The following CACNA2D3 variants were observed in gnomAD, a reference collection of about 807,000 sequenced individuals.
CACNA2D3 encodes the protein voltage-dependent calcium channel subunit alpha-2/delta-3.
CACNA2D3 carries 60 observed loss-of-function variants against 160.6 expected under a neutral mutation model. The ratio of observed to expected loss-of-function variants is 0.37; its 90% CI spans 0.30 to 0.46. The LOEUF is 0.46. Ranked by LOEUF, CACNA2D3 falls within the 20% of genes least tolerant of loss-of-function variation. The pLI is 1.00. For missense variants in CACNA2D3, 1,205 were observed against 1,365.0 expected (o/e 0.88, Z 1.85); for synonymous variants, 558 against 492.9 (o/e 1.13, Z -1.75).
chr3:54,918,166 G>A, intron 27 of CACNA2D3: 1 of 291,682 alleles, frequency 3.4e-6, no homozygotes, highest in Non-Finnish European at 6.4e-6. Context: ...TGGAAGAGAT[G>A]GCATCTTCCC....
At chr3:54,726,590 A>G (rs1369105966) in intron 11 of CACNA2D3, among the ~76,000 whole-genome samples, 1 of 152,216 alleles carries the variant, frequency 6.6e-6, no homozygotes, top group African/African-American at 2.4e-5. Context: ...AGCAGAACAG[A>G]GGCCTCGGAA....
intron 4 of CACNA2D3, among the ~76,000 whole-genome samples, chr3:54,432,814 A>G (rs1160889836): frequency 6.6e-6 from 1 of 152,258 alleles, no homozygotes; most frequent in African/African-American, 2.4e-5. Flanking sequence ...AAAGGTTGGC[A>G]CTTTGGTCAG....
intron 2 of CACNA2D3, among the ~76,000 whole-genome samples, chr3:54,191,692 G>A (rs1467295618): frequency 3.9e-5 from 6 of 152,114 alleles, no homozygotes; most frequent in African/African-American, 1.4e-4. Context: ...GTGTTAGGCA[G>A]GGCTGGGTTT....
intron 5 of CACNA2D3, among the ~76,000 whole-genome samples, chr3:54,541,729 G>A (rs1357719198): frequency 6.6e-6 from 1 of 152,212 alleles, no homozygotes; most frequent in Admixed American, 6.5e-5. Context: ...GAAGGATGAA[G>A]AAAGACTGAG....
At chr3:54,783,599 C>G (rs1319454811) in intron 13 of CACNA2D3, among the ~76,000 whole-genome samples, 1 of 151,616 alleles carries the variant, frequency 6.6e-6, no homozygotes, top group South Asian at 2.1e-4. Flanking sequence ...GAGTAAGACT[C>G]CATCTCAAAT....
chr3:55,013,986 G>A (rs919010102), intron 34 of CACNA2D3, among the ~76,000 whole-genome samples: 3 of 152,114 alleles, frequency 2.0e-5, no homozygotes, highest in Non-Finnish European at 2.9e-5. Flanking sequence ...TGGTGACATC[G>A]GTGTAACTGG....
chr3:54,654,189 G>T (rs565356395), intron 11 of CACNA2D3, among the ~76,000 whole-genome samples: 1 of 152,204 alleles, frequency 6.6e-6, no homozygotes, highest in African/African-American at 2.4e-5. Context: ...GTTGGCAGTG[G>T]GGGGTCTTGC....
intron 27 of CACNA2D3, among the ~76,000 whole-genome samples, chr3:54,932,223 A>G (rs1701208032): frequency 6.6e-6 from 1 of 152,162 alleles, no homozygotes; most frequent in African/African-American, 2.4e-5. Context: ...AGAACTAAAT[A>G]TACCCATCTG....
At chr3:54,840,403 CTTTTTTTTTTTTT>C (rs1174129020) in intron 16 of CACNA2D3, among the ~76,000 whole-genome samples, 3 of 73,448 alleles carry the variant, frequency 4.1e-5, no homozygotes, top group Non-Finnish European at 7.1e-5. Context: ...AGAACCATGT[CTTTTTTTTTTTTT>C]TTTTTTTTTT....
chr3:54,833,026 G>A (rs763522988), intron 14 of CACNA2D3, among the ~76,000 whole-genome samples: 3 of 152,182 alleles, frequency 2.0e-5, no homozygotes, highest in Admixed American at 6.5e-5. Context: ...GCATGGCCAC[G>A]TGGACCTTGC....
intron 4 of CACNA2D3, among the ~76,000 whole-genome samples, chr3:54,491,160 C>T (rs757640375): frequency 4.6e-5 from 7 of 152,236 alleles, no homozygotes; most frequent in Non-Finnish European, 7.4e-5. Flanking sequence ...TAGATCTTTC[C>T]GCCAGGCTGG....
In CACNA2D3 at chr3:54,906,619, G is replaced by C. The variant is rs542683576; in HGVS notation, c.2449+6751G>C. The stretch of plus-strand genomic sequence containing the variant: ...ACCTGAATGAGTCTCTTGGGTTTTG[G>C]GGGTAGTTACCAGGTTCTACAACCA... On this transcript the variant is annotated intron_variant, in intron 27 of 37. Coordinates refer to ENST00000474759, the MANE Select transcript of CACNA2D3 (RefSeq NM_018398.3). Among the ~76,000 whole-genome samples the C allele has an allele frequency of 7.2e-5, 11 of 152,286 alleles. No individual in the cohort carries two copies. The South Asian group carries it at 1.5e-3, about 20-fold the overall frequency.
At chr3:54,467,448 T>G (rs1470291623) in intron 4 of CACNA2D3, among the ~76,000 whole-genome samples, 1 of 152,220 alleles carries the variant, frequency 6.6e-6, no homozygotes, top group Non-Finnish European at 1.5e-5. Context: ...TCAGCAATGA[T>G]GGGTCTCAAG....
rs1559611440 is a variant in CACNA2D3, at chr3:54,871,225, C to CA, written c.1627-314_1627-313insA. ...CACACACACACACACACACACACAC[C>CA]CCCCATTCAAGGAGGGGACAGATTT... On this transcript the variant is annotated intron_variant, in intron 17 of 37. Transcript: ENST00000474759. Among the ~76,000 whole-genome samples the CA allele has an allele frequency of 5.8e-3, 758 of 131,784 alleles. 14 individuals are homozygous for CA. Among genetic ancestry groups the CA allele is most frequent in the African/African-American group, 0.02 (623 of 31,506 alleles). 86.5% of individuals were successfully genotyped at this position (131,784 alleles called of 152,430 possible). A position where few individuals can be genotyped will look rare whatever the true frequency, so the allele number is the denominator to read the frequency against.
intron 2 of CACNA2D3, among the ~76,000 whole-genome samples, chr3:54,289,264 C>T (rs1308683016): frequency 1.3e-5 from 2 of 151,660 alleles, no homozygotes; most frequent in African/African-American, 2.4e-5. Flanking sequence ...ACACCAATAA[C>T]AGACAAACAG....
chr3:54,580,759 G>A lies in CACNA2D3; in HGVS notation c.889-1044G>A, dbSNP rs113082000. On this transcript the variant is annotated intron_variant, in intron 8 of 37. Coordinates refer to ENST00000474759, the MANE Select transcript of CACNA2D3 (RefSeq NM_018398.3). ...AATTAGAATTTACAGGGATTATATG[G>A]AAGAGGGACCTAACCCAGTGCCTAG... Among the ~76,000 whole-genome samples, 31 of 152,330 alleles carry A rather than the reference G, an allele frequency of 2.0e-4. 1 individual carries two copies. Among genetic ancestry groups the A allele is most frequent in the African/African-American group, 7.5e-4 (31 of 41,570 alleles).
chr3:54,358,265 C>A (rs1698683080), intron 3 of CACNA2D3, among the ~76,000 whole-genome samples: 1 of 152,122 alleles, frequency 6.6e-6, no homozygotes, highest in African/African-American at 2.4e-5. Flanking sequence ...TAGAAACAGC[C>A]TGTTTTGTTT....
chr3:55,042,095 A>G (rs1255483305), intron 35 of CACNA2D3, among the ~76,000 whole-genome samples: 1 of 152,114 alleles, frequency 6.6e-6, no homozygotes, highest in Admixed American at 6.5e-5. Context: ...TGAATATTCC[A>G]TGTGCATTTT....
At chr3:54,128,796 G>A (rs1197409594) in intron 2 of CACNA2D3, among the ~76,000 whole-genome samples, 1 of 152,200 alleles carries the variant, frequency 6.6e-6, no homozygotes, top group African/African-American at 2.4e-5. Flanking sequence ...GAGGTTTGCT[G>A]TGGCCAAAAC....
Sources: gnomAD v4.1 joint callset for allele counts (sites outside exome capture counted in the v4.1 genomes callset) on GRCh38, gnomAD v4.1.1 for gene constraint, MANE v1.5 for transcripts, NCBI Gene and HGNC (gene_info 2026-07-23, HGNC 2026-07-21) for gene names.